RANBP2: variants seen among roughly 807,000 people sequenced by gnomAD.
The protein encoded by RANBP2 is RAN binding protein 2.
In RANBP2, 57 loss-of-function variants were observed where a neutral mutation model predicts 303.6. The ratio of observed to expected loss-of-function variants is 0.19; its 90% confidence interval spans 0.15 to 0.23. RANBP2 has a LOEUF of 0.23. RANBP2 is among the 10% of genes least tolerant of loss of function. The pLI, the probability that RANBP2 is intolerant of heterozygous loss-of-function variation, is 1.00. For synonymous variants in RANBP2, 1,167 were observed against 1,301.5 expected (o/e 0.90, Z 2.23); for missense variants, 3,138 against 3,780.8 (o/e 0.83, Z 4.46).
the RANBP2 span, among the ~76,000 whole-genome samples, chr2:109,351,743 C>A: frequency 1.3e-5 from 2 of 152,232 alleles, no homozygotes; most frequent in Non-Finnish European, 2.9e-5. Context: ...CAGCCCTAAT[C>A]CCTACCAGGT....
chr2:109,611,773 C>T, the RANBP2 span, among the ~76,000 whole-genome samples: 1 of 152,112 alleles, frequency 6.6e-6, no homozygotes, highest in Non-Finnish European at 1.5e-5. Context: ...AAGTTAAAAT[C>T]ACCATGAGGT....
the RANBP2 span, among the ~76,000 whole-genome samples, chr2:108,842,875 A>G: frequency 2.0e-5 from 3 of 152,312 alleles, no homozygotes; most frequent in South Asian, 2.1e-4. Flanking sequence ...GTCTATTGGT[A>G]TGGTCATTTT....
At chr2:109,030,919 C>T in the RANBP2 span, among the ~76,000 whole-genome samples, 1 of 152,136 alleles carries the variant, frequency 6.6e-6, no homozygotes, top group Non-Finnish European at 1.5e-5. Flanking sequence ...TCTTTATTTT[C>T]TTGGTAAAAT....
chr2:109,668,900 T>C, the RANBP2 span, among the ~76,000 whole-genome samples: 1 of 152,120 alleles, frequency 6.6e-6, no homozygotes, highest in Non-Finnish European at 1.5e-5. Flanking sequence ...TCTTAGCCAA[T>C]GTTCTTGCAT....
At chr2:109,221,461 T>G in the RANBP2 span, among the ~76,000 whole-genome samples, 2 of 151,856 alleles carry the variant, frequency 1.3e-5, no homozygotes, top group Non-Finnish European at 2.9e-5. Context: ...TGCACGCCTG[T>G]AATCCCAGCT....
chr2:109,167,298 C>T, the RANBP2 span, among the ~76,000 whole-genome samples: 5 of 152,102 alleles, frequency 3.3e-5, no homozygotes, highest in East Asian at 7.7e-4. Flanking sequence ...ACAGGAGATG[C>T]GGTAGAACCA....
the RANBP2 span, among the ~76,000 whole-genome samples, chr2:109,456,243 G>C: frequency 6.6e-6 from 1 of 152,198 alleles, no homozygotes; most frequent in African/African-American, 2.4e-5. Context: ...AGAAGGGGTC[G>C]CAGAGTCAGC....
At chr2:109,641,780 C>G in the RANBP2 span, among the ~76,000 whole-genome samples, 2 of 151,926 alleles carry the variant, frequency 1.3e-5, no homozygotes, top group Non-Finnish European at 2.9e-5. Context: ...CCTTGCATTG[C>G]ACTGTGACAA....
chr2:109,259,024 G>C, the RANBP2 span, among the ~76,000 whole-genome samples: 3 of 152,224 alleles, frequency 2.0e-5, no homozygotes, highest in Non-Finnish European at 2.9e-5. Context: ...TGTGTAGGCT[G>C]CCTCGGGAAG....
chr2:109,316,710 G>A, the RANBP2 span, among the ~76,000 whole-genome samples: 2 of 152,142 alleles, frequency 1.3e-5, no homozygotes, highest in African/African-American at 4.8e-5. Flanking sequence ...GACATTCCAC[G>A]GGTTTGGACA....
chr2:109,585,072 G>C, the RANBP2 span: 1 of 1,120,164 alleles, frequency 8.9e-7, no homozygotes, highest in East Asian at 2.5e-5. Flanking sequence ...GGGCTATAAG[G>C]CGAATGTCTT....
chr2:108,786,806 T>C (rs1019823127), downstream of RANBP2: 8 of 1,578,016 alleles, frequency 5.1e-6, no homozygotes, highest in Non-Finnish European at 6.9e-6. Context: ...GGGAGACTGG[T>C]ACGGTTGCTG....
the RANBP2 span, among the ~76,000 whole-genome samples, chr2:109,627,699 T>C: frequency 6.6e-6 from 1 of 152,260 alleles, no homozygotes; most frequent in African/African-American, 2.4e-5. Flanking sequence ...TCCTGACTTC[T>C]AACACCTTAG....
the RANBP2 span, chr2:109,616,200 G>T: frequency 7.5e-7 from 1 of 1,329,826 alleles, no homozygotes; most frequent in East Asian, 2.8e-5. Flanking sequence ...TGGATGGGGC[G>T]GAGTTCTCTT....
At chr2:108,742,056 G>T (rs972826890) in intron 7 of RANBP2, among the ~76,000 whole-genome samples, 1 of 151,928 alleles carries the variant, frequency 6.6e-6, no homozygotes, top group Non-Finnish European at 1.5e-5. Context: ...GAGTGCAGTG[G>T]CGCGATCTGG....
chr2:109,044,957 A>T, the RANBP2 span, among the ~76,000 whole-genome samples: 1 of 152,202 alleles, frequency 6.6e-6, no homozygotes, highest in Non-Finnish European at 1.5e-5. Context: ...CAGGAAAAGG[A>T]TTTACTGTAA....
At chr2:109,282,217 C>A in the RANBP2 span, among the ~76,000 whole-genome samples, 5 of 152,102 alleles carry the variant, frequency 3.3e-5, no homozygotes, top group Non-Finnish European at 5.9e-5. Context: ...GGGGTTAAAC[C>A]TGCATCTTTC....
At chr2:109,614,817 G>T in the RANBP2 span, 13 of 1,453,856 alleles carry the variant, frequency 8.9e-6, no homozygotes, top group Non-Finnish European at 1.2e-5. Context: ...CGACGGCCCT[G>T]CCGGGCCCGA....
At chr2:109,700,868 C>T in the RANBP2 span, among the ~76,000 whole-genome samples, 20 of 151,968 alleles carry the variant, frequency 1.3e-4, no homozygotes, top group Non-Finnish European at 8.8e-5. Context: ...ACTTCTCCCC[C>T]GAAGGACATG....
Sources: allele counts gnomAD v4.1 joint callset (sites outside exome capture counted in the v4.1 genomes callset), GRCh38; gene constraint gnomAD v4.1.1; transcripts MANE v1.5; gene names NCBI Gene and HGNC (gene_info 2026-07-23, HGNC 2026-07-21).